Variants in ACER2 observed in about 807,000 individuals in gnomAD.
The protein encoded by ACER2 is alkaline ceramidase 2.
Under a neutral mutation model 34.7 loss-of-function variants are expected in ACER2, and 26 were observed. That is an observed-to-expected ratio of 0.75 (90% CI 0.55 to 1.04). The LOEUF (loss-of-function observed/expected upper bound fraction) is 1.04. ACER2 is among the 50% of genes least tolerant of loss of function. The pLI, the probability that ACER2 is intolerant of heterozygous loss-of-function variation, is 0.00. For missense variants in ACER2, 352 were observed against 340.8 expected (o/e 1.03, Z -0.26); for synonymous variants, 138 against 132.1 (o/e 1.04, Z -0.31).
At chr9:19,418,295 C>G (rs1830295775) in intron 1 of ACER2, among the ~76,000 whole-genome samples, 1 of 152,172 alleles carries the variant, frequency 6.6e-6, no homozygotes, top group Admixed American at 6.5e-5. Context: ...GTGGCGATTC[C>G]TCAACAATCT....
intron 1 of ACER2, chr9:19,409,996 CTT>C: frequency 1.1e-6 from 1 of 940,574 alleles, no homozygotes; most frequent in Non-Finnish European, 1.3e-6. Flanking sequence ...GGAAATGCCT[CTT>C]ATTTTGTGTA....
chr9:19,409,210 G>C lies in ACER2; in HGVS notation c.108+18G>C. The C allele has an allele frequency of 6.4e-7, 1 of 1,563,930 alleles. No homozygotes were observed. The highest frequency in any genetic ancestry group is 1.9e-5 in the Admixed American group (1 of 52,326). On this transcript the variant is annotated intron_variant, in intron 1 of 5. Transcript: ENST00000340967. ...ACAACACGGTGCGGGGCGCGGGAGC[G>C]GGGAAGGCAGGCGGGCCAGCGGGAG...
intron 4 of ACER2, among the ~76,000 whole-genome samples, chr9:19,443,954 A>G (rs1329446276): frequency 6.6e-6 from 1 of 151,880 alleles, no homozygotes; most frequent in East Asian, 2.0e-4. Flanking sequence ...CCCGGCCTCT[A>G]GGCTAGTTTA....
intron 5 of ACER2, among the ~76,000 whole-genome samples, chr9:19,449,712 C>T (rs973363821): frequency 6.6e-6 from 1 of 151,652 alleles, no homozygotes; most frequent in Admixed American, 6.6e-5. Context: ...GGTGAAACCC[C>T]CTCCCTCTCT....
intron 1 of ACER2, 36 bp downstream of exon 1, chr9:19,409,228 A>G: frequency 5.2e-6 from 8 of 1,546,938 alleles, no homozygotes; most frequent in Non-Finnish European, 7.0e-6. Context: ...CAGGCGGGCC[A>G]GCGGGAGGGG....
At chr9:19,439,754 T>C (rs1457844337) in intron 4 of ACER2, among the ~76,000 whole-genome samples, 2 of 152,100 alleles carry the variant, frequency 1.3e-5, no homozygotes, top group East Asian at 1.9e-4. Flanking sequence ...GATCACGAGG[T>C]CAGGAGTTCA....
At chr9:19,433,149 C>CTT (rs57915019) in intron 3 of ACER2, among the ~76,000 whole-genome samples, 633 of 61,354 alleles carry the variant, frequency 0.01, 14 homozygotes, top group African/African-American at 0.034. Flanking sequence ...GTGTGAGTGG[C>CTT]TTTTTTTTTT....
chr9:19,425,306 G>T (rs953489762), intron 3 of ACER2, among the ~76,000 whole-genome samples: 1 of 152,032 alleles, frequency 6.6e-6, no homozygotes, highest in Non-Finnish European at 1.5e-5. Context: ...TGCTTCAGAT[G>T]AGAGCTGTGC....
intron 5 of ACER2, chr9:19,446,763 C>A: frequency 1.9e-6 from 1 of 535,760 alleles, no homozygotes; most frequent in Non-Finnish European, 2.4e-6. Context: ...TAGGGGAAAG[C>A]TGGGGAAAGA....
chr9:19,430,362 A>G (rs925758262), intron 3 of ACER2, among the ~76,000 whole-genome samples: 1 of 152,160 alleles, frequency 6.6e-6, no homozygotes, highest in Non-Finnish European at 1.5e-5. Context: ...CTTGTGTTTC[A>G]GTGTGAGACC....
chr9:19,443,007 T>C (rs1331743181), intron 4 of ACER2, among the ~76,000 whole-genome samples: 2 of 151,770 alleles, frequency 1.3e-5, no homozygotes, highest in Admixed American at 6.6e-5. Flanking sequence ...TAATTTATTG[T>C]ATTTTTATTT....
At chr9:19,411,679 C>T (rs1198717716) in intron 1 of ACER2, among the ~76,000 whole-genome samples, 3 of 152,298 alleles carry the variant, frequency 2.0e-5, no homozygotes, top group South Asian at 2.1e-4. Flanking sequence ...AATAAGGCAA[C>T]AGGTCTAATT....
chr9:19,440,404 G>A (rs1831117999), intron 4 of ACER2, among the ~76,000 whole-genome samples: 1 of 152,138 alleles, frequency 6.6e-6, no homozygotes, highest in African/African-American at 2.4e-5. Flanking sequence ...ATATTAGGAG[G>A]TGGGCCCTTT....
chr9:19,430,389 T>C (rs1392882636), intron 3 of ACER2, among the ~76,000 whole-genome samples: 1 of 152,202 alleles, frequency 6.6e-6, no homozygotes. Flanking sequence ...GGCTGGAAAG[T>C]TGAAAACAGG....
intron 5 of ACER2, chr9:19,446,696 G>C (rs1045044831): frequency 1.1e-6 from 1 of 934,338 alleles, no homozygotes; most frequent in African/African-American, 1.8e-5. Context: ...GCCTAAAGGA[G>C]CTTGAGAACT....
intron 4 of ACER2, among the ~76,000 whole-genome samples, chr9:19,444,000 T>C (rs1475229424): frequency 1.3e-5 from 2 of 152,004 alleles, no homozygotes; most frequent in African/African-American, 4.8e-5. Flanking sequence ...ATTCATAGTT[T>C]CAACTTGTGA....
In ACER2 at chr9:19,450,915, T is replaced by A; in HGVS notation, c.*279T>A. The A allele has an allele frequency of 3.9e-6, 1 of 256,952 alleles. No homozygotes were observed. The highest frequency in any genetic ancestry group is 7.3e-6 in the Non-Finnish European group (1 of 136,430). 15.9% of individuals were successfully genotyped at this position (256,952 alleles called of 1,614,324 possible). A position where few individuals can be genotyped will look rare whatever the true frequency, so the allele number is the denominator to read the frequency against. The stretch of plus-strand genomic sequence containing the variant: ...GGTTTTAAACTTTCATGTTGTCACA[T>A]CTGTTAATCTTTTCTTTAGGATTTC... On this transcript the variant is annotated 3_prime_UTR_variant, in exon 6 of 6. Transcript: ENST00000340967.
At chr9:19,418,855 G>A (rs373216424) in intron 1 of ACER2, among the ~76,000 whole-genome samples, 1 of 152,084 alleles carries the variant, frequency 6.6e-6, no homozygotes, top group Non-Finnish European at 1.5e-5. Flanking sequence ...AAAAAAAGAA[G>A]AAAGAAAGTT....
chr9:19,448,230 C>T (rs1248405934), intron 5 of ACER2, among the ~76,000 whole-genome samples: 1 of 152,090 alleles, frequency 6.6e-6, no homozygotes, highest in Admixed American at 6.5e-5. Context: ...CCAGGCTAGT[C>T]AGAAACTCCT....
Sources: gnomAD v4.1 joint callset for allele counts (sites outside exome capture counted in the v4.1 genomes callset) on GRCh38, gnomAD v4.1.1 for gene constraint, MANE v1.5 for transcripts, NCBI Gene and HGNC (gene_info 2026-07-23, HGNC 2026-07-21) for gene names.